Variants in CP observed in about 807,000 individuals in gnomAD.
CP encodes ceruloplasmin.
A neutral mutation model predicts 122.4 loss-of-function variants in CP; 64 were observed. That is an observed-to-expected ratio of 0.52 (90% CI 0.43 to 0.64). The LOEUF (loss-of-function observed/expected upper bound fraction) is 0.64. Among genes scored for constraint, CP ranks in the 30% least tolerant of loss-of-function variants. CP has a pLI of 0.00. For synonymous variants in CP, 440 were observed against 436.4 expected, an observed-to-expected ratio of 1.01 and a Z score of -0.10; for missense variants, 1,167 against 1,284.4, an observed-to-expected ratio of 0.91 and a Z score of 1.40.
At chr3:149,218,442 C>G (rs73019065) in intron 1 of CP, among the ~76,000 whole-genome samples, 2,731 of 152,264 alleles carry the variant, frequency 0.018, 90 homozygotes, top group African/African-American at 0.062. Flanking sequence ...TTCCACTTCA[C>G]TCTTTTAGAA....
chr3:149,163,702 C>A, intron 5 of CP: 1 of 585,216 alleles, frequency 1.7e-6, no homozygotes, highest in East Asian at 2.9e-5. Flanking sequence ...TTCTTAAAAA[C>A]TTTCCTTCCC....
intron 4 of CP, chr3:149,167,370 G>A: frequency 1.4e-6 from 1 of 735,600 alleles, no homozygotes; most frequent in Non-Finnish European, 2.4e-6. Context: ...GGTCCATTGA[G>A]CATATATGTT....
chr3:149,167,103 A>G lies in CP; in HGVS notation c.587-1053T>C. The stretch of plus-strand genomic sequence containing the variant: ...GTTCTTGGAGCCACTTTCAGAAGAC[A>G]CTATTGCCGGCCTCAGTGTCCATGT... On this transcript the variant is annotated intron_variant, in intron 4 of 5. Coordinates refer to the CP transcript ENST00000479771. The G allele has an allele frequency of 2.5e-6, 4 of 1,613,944 alleles. 1 individual carries two copies. The highest frequency in any genetic ancestry group is 2.5e-6 in the Non-Finnish European group (3 of 1,179,814).
chr3:149,181,979 A>ACCCCCCCCCCCCCCCCCCCCCCTCCCCC, intron 14 of CP, 26 bp downstream of exon 14: 1 of 515,796 alleles, frequency 1.9e-6, no homozygotes, highest in Non-Finnish European at 3.7e-6. Context: ...AAAATGCACC[A>ACCCCCCCCCCCCCCCCCCCCCCTCCCCC]CCCCCACCCC....
chr3:149,204,748 G>T (rs1400385485), intron 6 of CP, among the ~76,000 whole-genome samples: 1 of 152,176 alleles, frequency 6.6e-6, no homozygotes, highest in Non-Finnish European at 1.5e-5. Context: ...TGGAGCAGGG[G>T]AGTGGCATCA....
rs1727361791 is a variant in CP at position 149,202,050 on chromosome 3, A to G, written c.1348+52T>C. ...GAAGTTACTATTCTTTCTGAGGTTG[A>G]TGTAGCCCATGGGAAGAGTAAACCA... On this transcript the variant is annotated intron_variant, in intron 7 of 18. Transcript: ENST00000264613. 2.5e-6 allele frequency: 4 copies of G among 1,611,626 alleles called. No homozygotes were observed. The South Asian group carries it at 3.3e-5, about 13-fold the overall frequency.
At chr3:149,188,831 G>A (rs1726360239) in intron 9 of CP, among the ~76,000 whole-genome samples, 2 of 152,152 alleles carry the variant, frequency 1.3e-5, no homozygotes, top group South Asian at 4.1e-4. Context: ...CAAAGCAAAT[G>A]AGCCCCTGAG....
chr3:149,189,123 C>T (rs1726376225), intron 9 of CP, among the ~76,000 whole-genome samples: 1 of 152,102 alleles, frequency 6.6e-6, no homozygotes, highest in Admixed American at 6.5e-5. Context: ...ATAAGAAATA[C>T]TAGTGGAAGT....
intron 11 of CP, 94 bp from the exon 12 acceptor site, chr3:149,185,540 G>T: frequency 8.7e-7 from 1 of 1,154,910 alleles, no homozygotes. Context: ...TCCTTATCAT[G>T]GCCTCAGGTG....
chr3:149,207,207 CT>C (rs894214759), intron 5 of CP, among the ~76,000 whole-genome samples, 155 bp downstream of exon 5: 25 of 152,076 alleles, frequency 1.6e-4, no homozygotes, highest in East Asian at 3.8e-4. Context: ...GTCTTACAGT[CT>C]TTTTTTATTA....
At position 149,202,120 on chromosome 3, in the gene CP, C is replaced by G; in HGVS notation, c.1330G>C (p.Glu444Gln). ...AACTCACCCAGGATGCCAAGATGCT[C>G]TTCTTCAGGGCCTCTCTCCTTTCGA... is the stretch of plus-strand genomic sequence containing the variant. ...TNRKERGPEEEHLGILGPVIW... is the reference protein window; with the variant it reads ...TNRKERGPEEQHLGILGPVIW... Residue 444 changes from glutamate (E) to glutamine (Q), a missense_variant, in exon 7 of 19, where the codon GAG (glutamate) becomes CAG (glutamine). This residue lies in a region of CP where 642 missense variants were observed against 627.3 expected (regional missense o/e 1.02). Coordinates refer to ENST00000264613, the MANE Select transcript of CP (RefSeq NM_000096.4). 1 of 1,614,126 alleles carries G rather than the reference C, an allele frequency of 6.2e-7. No homozygotes were observed. Among genetic ancestry groups the G allele is most frequent in the Non-Finnish European group, 8.5e-7 (1 of 1,179,998 alleles).
chr3:149,167,334 C>A, intron 4 of CP: 2 of 944,738 alleles, frequency 2.1e-6, no homozygotes, highest in Non-Finnish European at 3.3e-6. Context: ...ACAATTTATG[C>A]TAATCCAACA....
intron 9 of CP, among the ~76,000 whole-genome samples, chr3:149,195,281 CT>C (rs1726826688): frequency 6.6e-6 from 1 of 152,176 alleles, no homozygotes; most frequent in Non-Finnish European, 1.5e-5. Context: ...TTTCACAAAA[CT>C]GTATAAGCAT....
In CP at chr3:149,173,645, C is replaced by T. The variant is rs1243362390; in HGVS notation, c.*69G>A. On this transcript the variant is annotated 3_prime_UTR_variant, in exon 19 of 19. Transcript: ENST00000264613. ...CATTCCAAAGTAACATTCTATTTTA[C>T]ACTTTCACATACATTGTTATGAATC... The T allele has an allele frequency of 1.0e-5, 10 of 998,628 alleles. No individual in the cohort carries two copies. Among genetic ancestry groups the T allele is most frequent in the South Asian group, 8.8e-5 (6 of 67,844 alleles). The allele number at this position is 998,628 out of a possible 1,614,324, so 61.9% of individuals were successfully genotyped here.
chr3:149,202,661 T>C (rs1374537983), intron 6 of CP, among the ~76,000 whole-genome samples: 1 of 143,900 alleles, frequency 6.9e-6, no homozygotes, highest in Non-Finnish European at 1.5e-5. Context: ...CAGGCTGGAG[T>C]GCAGTGGCAC....
chr3:149,173,838 T>A (rs1186924422), intron 18 of CP, 108 bp from the exon 19 acceptor site: 1 of 547,420 alleles, frequency 1.8e-6, no homozygotes, highest in African/African-American at 1.9e-5. Context: ...TTACTCCTGA[T>A]TCATTTATAT....
chr3:149,219,357 C>T (rs961419101), intron 1 of CP, among the ~76,000 whole-genome samples: 1 of 152,136 alleles, frequency 6.6e-6, no homozygotes, highest in African/African-American at 2.4e-5. Flanking sequence ...TGTGTCCCCA[C>T]CCAAATCTCA....
Position 149,172,700 on chromosome 3 carries a change from T to G in CP, c.*1014A>C, listed in dbSNP as rs1265946142. 2 of 153,528 alleles carry G rather than the reference T, an allele frequency of 1.3e-5. No homozygotes were observed. Among genetic ancestry groups the G allele is most frequent in the Non-Finnish European group, 2.9e-5 (2 of 68,744 alleles). 9.5% of individuals were successfully genotyped at this position (153,528 alleles called of 1,614,324 possible). On this transcript the variant is annotated 3_prime_UTR_variant, in exon 19 of 19. Transcript: ENST00000264613. ...TATGTTTTTGAGAAAGATGTTAATG[T>G]TTTGCCATGGTAAAAGATTTCAAAC... is the stretch of plus-strand genomic sequence containing the variant.
intron 1 of CP, among the ~76,000 whole-genome samples, chr3:149,213,359 G>A (rs1302603215): frequency 6.6e-6 from 1 of 152,182 alleles, no homozygotes; most frequent in African/African-American, 2.4e-5. Context: ...TTGTATTCTA[G>A]TGAATGTCCA....
Sources: allele counts gnomAD v4.1 joint callset (sites outside exome capture counted in the v4.1 genomes callset), GRCh38; gene constraint gnomAD v4.1.1; regional missense constraint gnomAD v4.1.1; transcripts MANE v1.5; gene names NCBI Gene and HGNC (gene_info 2026-07-23, HGNC 2026-07-21).